The following GARNL3 variants were observed in gnomAD, a reference collection of about 807,000 sequenced individuals.
The protein encoded by GARNL3 is GTPase-activating Rap/Ran-GAP domain-like protein 3.
In GARNL3, 63 loss-of-function variants were observed where a neutral mutation model predicts 125.0. That is an observed-to-expected ratio of 0.50 (90% confidence interval 0.41 to 0.62). GARNL3 has a LOEUF of 0.62. Among genes scored for constraint, GARNL3 ranks in the 20% least tolerant of loss-of-function variants. GARNL3 has a pLI of 0.00. For missense variants in GARNL3, 994 were observed against 1,244.0 expected (o/e 0.80, Z 3.02); for synonymous variants, 439 against 457.5 (o/e 0.96, Z 0.52).
intron 17 of GARNL3, among the ~76,000 whole-genome samples, chr9:127,351,794 G>A (rs991715642): frequency 2.0e-5 from 3 of 152,128 alleles, no homozygotes; most frequent in Admixed American, 6.5e-5. Context: ...ATATGCTCTC[G>A]CCCTGTGTTT....
At chr9:127,282,572 C>T (rs1402014785) in intron 1 of GARNL3, among the ~76,000 whole-genome samples, 1 of 152,038 alleles carries the variant, frequency 6.6e-6, no homozygotes, top group African/African-American at 2.4e-5. Context: ...TCAGTTGAGC[C>T]CCAAAACCCA....
At chr9:127,333,185 G>T in intron 9 of GARNL3, 64 bp downstream of exon 9, 1 of 1,306,580 alleles carries the variant, frequency 7.7e-7, no homozygotes, top group South Asian at 1.2e-5. Flanking sequence ...AGCCTGACCC[G>T]TGTCTGAACT....
At chr9:127,225,296 G>A in intron 1 of GARNL3, 4 of 975,844 alleles carry the variant, frequency 4.1e-6, no homozygotes, top group Non-Finnish European at 4.9e-6. Flanking sequence ...CGAGCCCGCG[G>A]CCCCCGCCCG....
intron 1 of GARNL3, among the ~76,000 whole-genome samples, chr9:127,235,300 G>C (rs1300669175): frequency 1.3e-5 from 2 of 151,794 alleles, no homozygotes; most frequent in Non-Finnish European, 2.9e-5. Flanking sequence ...CCTTAGGACA[G>C]AGCAGATATG....
At chr9:127,358,570 A>C (rs1166182949) in intron 21 of GARNL3, among the ~76,000 whole-genome samples, 1 of 152,274 alleles carries the variant, frequency 6.6e-6, no homozygotes, top group African/African-American at 2.4e-5. Flanking sequence ...GGAAGACTTA[A>C]GACCTAATTA....
At chr9:127,316,676 G>A (rs1220752094) in intron 4 of GARNL3, among the ~76,000 whole-genome samples, 2 of 152,164 alleles carry the variant, frequency 1.3e-5, no homozygotes, top group East Asian at 3.8e-4. Flanking sequence ...CTTGGCTAAT[G>A]GAGAACCCAT....
intron 20 of GARNL3, among the ~76,000 whole-genome samples, chr9:127,355,685 G>A (rs1204593563): frequency 1.3e-5 from 2 of 152,180 alleles, no homozygotes; most frequent in African/African-American, 2.4e-5. Context: ...TTCTAGGTAC[G>A]AAGGACACAG....
intron 1 of GARNL3, among the ~76,000 whole-genome samples, chr9:127,229,939 T>A (rs2062973554): frequency 6.6e-6 from 1 of 152,254 alleles, no homozygotes; most frequent in Non-Finnish European, 1.5e-5. Context: ...CTCTGATAAC[T>A]AACTAGCCTG....
intron 1 of GARNL3, among the ~76,000 whole-genome samples, chr9:127,232,175 A>G (rs1008784308): frequency 6.6e-6 from 1 of 152,300 alleles, no homozygotes; most frequent in Non-Finnish European, 1.5e-5. Flanking sequence ...TCTCATGGCC[A>G]CTTGCAGTAC....
chr9:127,393,200 C>T lies in GARNL3; in HGVS notation c.2988C>T (p.Ser996=). ...ADREGSPVSG[S]SPFQLTAFSD... Reference sequence around the variant, plus strand: ...GAGAGGGCAGCCCGGTCTCCGGCAGCAGCCCCTTCCAGCTCACGGCTTTCT... The same window carrying T: ...GAGAGGGCAGCCCGGTCTCCGGCAGTAGCCCCTTCCAGCTCACGGCTTTCT... Residue 996 remains serine (S), a synonymous_variant, in exon 28 of 28, where the codon AGC becomes AGT. Coordinates refer to ENST00000373387, the MANE Select transcript of GARNL3 (RefSeq NM_032293.5). 1.9e-6 allele frequency: 3 copies of T among 1,613,584 alleles called. No individual in the cohort carries two copies. Among genetic ancestry groups the T allele is most frequent in the Non-Finnish European group, 2.5e-6 (3 of 1,179,464 alleles).
chr9:127,357,134 A>G, intron 20 of GARNL3, 85 bp from the exon 21 acceptor site: 1 of 1,377,524 alleles, frequency 7.3e-7, no homozygotes, highest in African/African-American at 1.4e-5. Flanking sequence ...CCTTCTCTGT[A>G]AGGAGGGAAT....
chr9:127,389,065 C>T lies in GARNL3; in HGVS notation c.2689C>T (p.Leu897=). ...AAIPVTHSLS[L]SRMEIKEIAS... ...CATTCCAGTCACGCACTCCTTGTCC[C>T]TGTCTCGCATGGAGATCAAAGAAAT... is the stretch of plus-strand genomic sequence containing the variant. Residue 897 remains leucine, a synonymous_variant, in exon 26 of 28, where the codon CTG becomes TTG. Coordinates refer to ENST00000373387, the MANE Select transcript of GARNL3 (RefSeq NM_032293.5). 6.2e-7 allele frequency: 1 copy of T among 1,614,186 alleles called. No homozygotes were observed. The highest frequency in any genetic ancestry group is 8.5e-7 in the Non-Finnish European group (1 of 1,180,020).
intron 4 of GARNL3, 86 bp from the exon 5 acceptor site, chr9:127,317,977 T>C (rs988135991): frequency 1.7e-5 from 14 of 815,368 alleles, no homozygotes; most frequent in East Asian, 1.2e-4. Flanking sequence ...AGACTGGGCA[T>C]GGCTTTCTTT....
rs558106708 is a variant in GARNL3 at position 127,238,987 on chromosome 9, G to C, written c.-28-4092G>C. On this transcript the variant is annotated intron_variant, in intron 1 of 10. Transcript: ENST00000439286. ...AGCTTGAGGTCTGGCCTCAGGAAGTGGGGAGGGTACAGAAGCAGTAGGAAT... is the reference window on the plus strand; with the variant it reads ...AGCTTGAGGTCTGGCCTCAGGAAGTCGGGAGGGTACAGAAGCAGTAGGAAT... 2.6e-5 allele frequency among the ~76,000 whole-genome samples: 4 copies of C among 152,214 alleles called. No individual in the cohort carries two copies. The South Asian group carries it at 8.3e-4, about 32-fold the overall frequency.
chr9:127,253,272 A>C (rs2063437627), intron 2 of GARNL3, among the ~76,000 whole-genome samples: 1 of 152,104 alleles, frequency 6.6e-6, no homozygotes, highest in Non-Finnish European at 1.5e-5. Flanking sequence ...TCCTTTACAG[A>C]AGGAAAAAAA....
At chr9:127,226,722 G>A (rs2062920063) in intron 1 of GARNL3, among the ~76,000 whole-genome samples, 1 of 152,142 alleles carries the variant, frequency 6.6e-6, no homozygotes, top group South Asian at 2.1e-4. Context: ...CTGTCTTCAA[G>A]TCCACATAAC....
In GARNL3 at chr9:127,393,355, G is replaced by A; in HGVS notation, c.*101G>A. The A allele has an allele frequency of 9.0e-7, 1 of 1,116,620 alleles. No homozygotes were observed. Among genetic ancestry groups the A allele is most frequent in the South Asian group, 1.5e-5 (1 of 65,756 alleles). 69.2% of individuals were successfully genotyped at this position (1,116,620 alleles called of 1,614,324 possible). A position where few individuals can be genotyped will look rare whatever the true frequency, so the allele number is the denominator to read the frequency against. On this transcript the variant is annotated 3_prime_UTR_variant, in exon 28 of 28. Coordinates refer to ENST00000373387, the MANE Select transcript of GARNL3 (RefSeq NM_032293.5). ...CTCAACAAAATGTGGCTTTTAGCCT[G>A]TCAGTGATCTATTGGACCAAACCTT...
intron 7 of GARNL3, among the ~76,000 whole-genome samples, chr9:127,326,598 A>G (rs898494202): frequency 6.6e-6 from 1 of 152,198 alleles, no homozygotes; most frequent in Non-Finnish European, 1.5e-5. Flanking sequence ...CACCTAATAT[A>G]TAATACTAAT....
chr9:127,306,828 T>G (rs1181026895), intron 2 of GARNL3, among the ~76,000 whole-genome samples: 1 of 151,870 alleles, frequency 6.6e-6, no homozygotes, highest in African/African-American at 2.4e-5. Context: ...CAGGTTGCAG[T>G]GAGCCAAGAT....
Sources: allele counts gnomAD v4.1 joint callset (sites outside exome capture counted in the v4.1 genomes callset), GRCh38; gene constraint gnomAD v4.1.1; transcripts MANE v1.5; gene names NCBI Gene and HGNC (gene_info 2026-07-23, HGNC 2026-07-21).